The following ZNF407 variants were observed in gnomAD, a reference collection of about 807,000 sequenced individuals.
ZNF407 encodes the protein zinc finger protein 407.
In ZNF407, 17 loss-of-function variants were observed where a neutral mutation model predicts 131.2. The ratio of observed to expected loss-of-function variants is 0.13; its 90% CI spans 0.09 to 0.19. The LOEUF (loss-of-function observed/expected upper bound fraction) is 0.19. Ranked by LOEUF, ZNF407 falls within the 10% of genes least tolerant of loss-of-function variation. The pLI is 1.00. For synonymous variants in ZNF407, 1,156 were observed against 1,062.0 expected, an observed-to-expected ratio of 1.09 and a Z score of -1.72; for missense variants, 2,681 against 2,830.6, an observed-to-expected ratio of 0.95 and a Z score of 1.20.
intron 1 of ZNF407, among the ~76,000 whole-genome samples, chr18:74,624,711 A>T (rs2144647276): frequency 6.6e-6 from 1 of 152,332 alleles, no homozygotes; most frequent in Non-Finnish European, 1.5e-5. Context: ...TCTGTGGTAG[A>T]AAGCCAGTGC....
chr18:75,050,769 G>A (rs909239192), intron 8 of ZNF407, among the ~76,000 whole-genome samples: 6 of 152,114 alleles, frequency 3.9e-5, no homozygotes, highest in African/African-American at 1.2e-4. Context: ...AAACATCCAC[G>A]AAAAGATAAT....
At chr18:74,929,248 T>G (rs904196788) in intron 8 of ZNF407, among the ~76,000 whole-genome samples, 10 of 152,204 alleles carry the variant, frequency 6.6e-5, no homozygotes, top group African/African-American at 2.4e-4. Context: ...GCGCCAGCGC[T>G]TCCTTCCCGG....
chr18:74,983,742 C>G (rs1972620254), intron 8 of ZNF407, among the ~76,000 whole-genome samples: 1 of 152,206 alleles, frequency 6.6e-6, no homozygotes, highest in African/African-American at 2.4e-5. Context: ...CCAGGAGCAT[C>G]CATGGTGACC....
At chr18:74,614,420 C>A (rs1342851501) in intron 1 of ZNF407, among the ~76,000 whole-genome samples, 1 of 152,178 alleles carries the variant, frequency 6.6e-6, no homozygotes, top group Non-Finnish European at 1.5e-5. Flanking sequence ...TGTTTGGAGT[C>A]CCTGTGTGAC....
chr18:74,633,611 C>T lies in ZNF407; in HGVS notation c.2592C>T (p.Asn864=), dbSNP rs768191499. ...GCCTTTTGGCCTCTAGTATTACAAACTTGACTGTTCACATTAGACGAAAAC... is the reference window on the plus strand; with the variant it reads ...GCCTTTTGGCCTCTAGTATTACAAATTTGACTGTTCACATTAGACGAAAAC... The part of the protein sequence containing the change: ...HCGLLASSIT[N]LTVHIRRKHS... Residue 864 remains asparagine, a synonymous_variant, in exon 2 of 9, where the codon AAC becomes AAT. Coordinates refer to ENST00000299687, the MANE Select transcript of ZNF407 (RefSeq NM_017757.3). The T allele has an allele frequency of 6.2e-6, 10 of 1,613,892 alleles. No homozygotes were observed. The Admixed American group carries it at 6.7e-5, about 11-fold the overall frequency.
At chr18:74,690,918 C>T (rs189658539) in intron 3 of ZNF407, among the ~76,000 whole-genome samples, 5 of 152,250 alleles carry the variant, frequency 3.3e-5, no homozygotes, top group Admixed American at 3.3e-4. Flanking sequence ...CTTTTCAATA[C>T]TTGTGGAACC....
intron 8 of ZNF407, among the ~76,000 whole-genome samples, chr18:75,031,579 TAACAC>T (rs1430781118): frequency 6.6e-6 from 1 of 152,236 alleles, no homozygotes; most frequent in Non-Finnish European, 1.5e-5. Context: ...ATGCCATTAT[TAACAC>T]AACAGTAGTT....
At chr18:74,826,953 A>C (rs1970418005) in intron 4 of ZNF407, among the ~76,000 whole-genome samples, 1 of 152,230 alleles carries the variant, frequency 6.6e-6, no homozygotes. Context: ...ACATCATACA[A>C]GGAATTTCTG....
intron 3 of ZNF407, among the ~76,000 whole-genome samples, chr18:74,763,276 A>G (rs943242513): frequency 2.0e-5 from 2 of 98,254 alleles, no homozygotes; most frequent in African/African-American, 8.1e-5. Context: ...TCTTTTGTCT[A>G]TTTAAAAAAT....
At chr18:74,856,790 TAAG>T (rs1339033387) in intron 4 of ZNF407, among the ~76,000 whole-genome samples, 1 of 152,230 alleles carries the variant, frequency 6.6e-6, no homozygotes, top group African/African-American at 2.4e-5. Flanking sequence ...TACTATATAA[TAAG>T]TTTCATATAT....
At chr18:74,717,458 A>G (rs1321761504) in intron 3 of ZNF407, among the ~76,000 whole-genome samples, 1 of 152,236 alleles carries the variant, frequency 6.6e-6, no homozygotes, top group South Asian at 2.1e-4. Context: ...TTCTCACATG[A>G]TAACTGTTGC....
At chr18:74,804,546 G>T in intron 4 of ZNF407, 1 of 986,776 alleles carries the variant, frequency 1.0e-6, no homozygotes, top group South Asian at 4.7e-5. Context: ...ACATTGCTTT[G>T]TTTGTATGTG....
At chr18:74,676,976 C>T (rs920867715) in intron 3 of ZNF407, among the ~76,000 whole-genome samples, 1 of 152,170 alleles carries the variant, frequency 6.6e-6, no homozygotes, top group Non-Finnish European at 1.5e-5. Context: ...CTGCCCTCTC[C>T]TCTTCATCCT....
chr18:74,943,433 C>T (rs1198982528), intron 8 of ZNF407, among the ~76,000 whole-genome samples: 2 of 152,112 alleles, frequency 1.3e-5, no homozygotes, highest in African/African-American at 4.8e-5. Context: ...TGAAATTTCA[C>T]AGTATTTTTG....
At chr18:74,803,967 A>G (rs1379111910) in intron 4 of ZNF407, 1 of 1,551,612 alleles carries the variant, frequency 6.4e-7, no homozygotes, top group African/African-American at 1.4e-5. Flanking sequence ...GCTTCAGAGT[A>G]AAGGTTGCAT....
intron 4 of ZNF407, among the ~76,000 whole-genome samples, chr18:74,855,657 C>G (rs1013416846): frequency 6.6e-6 from 1 of 152,290 alleles, no homozygotes; most frequent in East Asian, 1.9e-4. Context: ...TACATTTCCA[C>G]CATAAGATTT....
At chr18:75,062,870 C>T (rs1429001032) in intron 8 of ZNF407, 3 of 286,552 alleles carry the variant, frequency 1.0e-5, no homozygotes, top group Admixed American at 5.0e-5. Flanking sequence ...ATTGGAGAGG[C>T]GCACACCCCT....
chr18:74,611,296 T>C (rs1284565331), intron 1 of ZNF407, among the ~76,000 whole-genome samples: 1 of 152,222 alleles, frequency 6.6e-6, no homozygotes, highest in African/African-American at 2.4e-5. Flanking sequence ...ACAACACTAA[T>C]GTTGATATAG....
At chr18:74,648,631 G>T (rs1985083429) in intron 3 of ZNF407, among the ~76,000 whole-genome samples, 1 of 152,140 alleles carries the variant, frequency 6.6e-6, no homozygotes, top group Non-Finnish European at 1.5e-5. Context: ...TTAATTAAAG[G>T]TGCTATTGAT....
Sources: gnomAD v4.1 joint callset for allele counts (sites outside exome capture counted in the v4.1 genomes callset) on GRCh38, gnomAD v4.1.1 for gene constraint, MANE v1.5 for transcripts, NCBI Gene and HGNC (gene_info 2026-07-23, HGNC 2026-07-21) for gene names.